The following ARHGEF37 variants were observed in gnomAD, a reference collection of about 807,000 sequenced individuals.
ARHGEF37 encodes Rho guanine nucleotide exchange factor 37, also known as Rho guanine nucleotide exchange factor (GEF) 37.
In ARHGEF37, 55 loss-of-function variants were observed where a neutral mutation model predicts 71.1. The observed-to-expected ratio is 0.77, with a 90% CI of 0.62 to 0.97. ARHGEF37 has a LOEUF of 0.97. ARHGEF37 is among the 50% of genes least tolerant of loss of function. The pLI, the probability that ARHGEF37 is intolerant of heterozygous loss-of-function variation, is 0.00. For synonymous variants in ARHGEF37, 327 were observed against 350.6 expected (o/e 0.93, Z 0.75); for missense variants, 765 against 836.8 (o/e 0.91, Z 1.06).
At position 149,609,601 on chromosome 5, in the gene ARHGEF37, T is replaced by C; in HGVS notation, c.364T>C (p.Cys122Arg). The C allele has an allele frequency of 6.2e-7, 1 of 1,613,994 alleles. No homozygotes were observed. The highest frequency in any genetic ancestry group is 1.7e-4 in the Middle Eastern group (1 of 5,864). Residue 122 changes from cysteine (C) to arginine (R), a missense_variant, in exon 4 of 13, where the codon TGT (cysteine) becomes CGT (arginine). By Grantham distance (180) the Cys-to-Arg change is radical. Around this residue, in one of 5 missense-constraint regions of ARHGEF37, gnomAD observed 201 missense variants for 217.5 expected, o/e 0.92. Transcript: ENST00000333677. Reference sequence around the variant, plus strand: ...GTTGGAGCAAGTCTATAAGGTCTACTGTGCCAGCTACGACCAGGCCTTGCT... The same window carrying C: ...GTTGGAGCAAGTCTATAAGGTCTACCGTGCCAGCTACGACCAGGCCTTGCT... ...EELEQVYKVY[C>R]ASYDQALLLV...
intron 1 of ARHGEF37, among the ~76,000 whole-genome samples, chr5:149,558,474 C>A (rs1356700697): frequency 6.6e-6 from 1 of 152,140 alleles, no homozygotes; most frequent in Non-Finnish European, 1.5e-5. Flanking sequence ...CCACTGCACT[C>A]CAGCCTGGGC....
At chr5:149,621,484 TTCA>T (rs1561807223) in intron 8 of ARHGEF37, among the ~76,000 whole-genome samples, 1 of 152,096 alleles carries the variant, frequency 6.6e-6, no homozygotes, top group African/African-American at 2.4e-5. Context: ...ATAATAATGA[TTCA>T]AAGTGCTATA....
At chr5:149,553,661 C>T (rs1365671954) in intron 1 of ARHGEF37, among the ~76,000 whole-genome samples, 1 of 152,140 alleles carries the variant, frequency 6.6e-6, no homozygotes, top group Non-Finnish European at 1.5e-5. Flanking sequence ...ATTAGTGATT[C>T]CCAAAGATCT....
intron 12 of ARHGEF37, among the ~76,000 whole-genome samples, chr5:149,629,419 T>G (rs533463306): frequency 5.9e-5 from 9 of 152,286 alleles, no homozygotes; most frequent in African/African-American, 1.7e-4. Flanking sequence ...ACCAGAGCCC[T>G]AGGTGTGGAG....
At chr5:149,631,498 A>G (rs1387950462) in intron 12 of ARHGEF37, among the ~76,000 whole-genome samples, 1 of 152,158 alleles carries the variant, frequency 6.6e-6, no homozygotes, top group Non-Finnish European at 1.5e-5. Flanking sequence ...GTAAAAAGTA[A>G]ACAAGTTGCC....
chr5:149,620,574 A>C, intron 8 of ARHGEF37, 110 bp downstream of exon 8: 1 of 783,604 alleles, frequency 1.3e-6, no homozygotes, highest in African/African-American at 1.8e-5. Context: ...TCACGCCTGT[A>C]ATCCCAGCAC....
intron 8 of ARHGEF37, among the ~76,000 whole-genome samples, chr5:149,620,855 C>T (rs908803124): frequency 1.4e-4 from 20 of 140,098 alleles, no homozygotes; most frequent in African/African-American, 5.2e-4. Flanking sequence ...GCACTTTACA[C>T]AATTGCCACA....
chr5:149,602,059 CT>C lies in ARHGEF37; in HGVS notation c.310+843del, dbSNP rs3073461. ...TTTGATTTATGTTTTTCTTTTCTTT[CT>C]TTTTTTTTTTTTTTGAGACGGAGTC... is the stretch of plus-strand genomic sequence containing the variant. On this transcript the variant is annotated intron_variant, in intron 3 of 12. Transcript: ENST00000333677. Among the ~76,000 whole-genome samples the C allele has an allele frequency of 1.4e-3, 197 of 143,228 alleles. 2 individuals carry two copies. The highest frequency in any genetic ancestry group is 4.5e-3 in the South Asian group (20 of 4,462). 94.0% of individuals were successfully genotyped at this position (143,228 alleles called of 152,430 possible). A position where few individuals can be genotyped will look rare whatever the true frequency, so the allele number is the denominator to read the frequency against.
At chr5:149,555,130 C>CAAAAAA (rs914879036) in intron 1 of ARHGEF37, among the ~76,000 whole-genome samples, 1 of 55,980 alleles carries the variant, frequency 1.8e-5, no homozygotes, top group African/African-American at 6.9e-5. Flanking sequence ...GACTCTGTCT[C>CAAAAAA]AAAAAAAAAA....
chr5:149,627,321 A>G (rs766449043), intron 11 of ARHGEF37, 50 bp downstream of exon 11: 2 of 1,573,496 alleles, frequency 1.3e-6, no homozygotes, highest in Non-Finnish European at 1.7e-6. Flanking sequence ...AAACCACCCC[A>G]CAGAAGCCGG....
Position 149,584,958 on chromosome 5 carries a change from T to C in ARHGEF37, c.-12+3334T>C, listed in dbSNP as rs369284840. On this transcript the variant is annotated intron_variant, in intron 1 of 12. Coordinates refer to ENST00000333677, the MANE Select transcript of ARHGEF37 (RefSeq NM_001001669.3). ...TTTCTATATTGTTTATTTAGTTATA[T>C]AATGAGCAAGAGCCTCTTTCATTAT... Among the ~76,000 whole-genome samples, 7 of 152,344 alleles carry C rather than the reference T, an allele frequency of 4.6e-5. No individual in the cohort carries two copies. The East Asian group carries it at 1.3e-3, about 29-fold the overall frequency.
At chr5:149,617,434 CAAGTT>C (rs1162062023) in intron 5 of ARHGEF37, among the ~76,000 whole-genome samples, 1 of 152,166 alleles carries the variant, frequency 6.6e-6, no homozygotes, top group African/African-American at 2.4e-5. Flanking sequence ...AACAGTGTCT[CAAGTT>C]AAGAGAAACT....
chr5:149,611,173 C>T (rs2113346515), intron 4 of ARHGEF37, among the ~76,000 whole-genome samples: 1 of 152,270 alleles, frequency 6.6e-6, no homozygotes, highest in Middle Eastern at 3.4e-3. Context: ...TGGGAACTGG[C>T]ACATTGTCAT....
chr5:149,589,624 C>T (rs1192233032), intron 1 of ARHGEF37, among the ~76,000 whole-genome samples: 12 of 152,224 alleles, frequency 7.9e-5, no homozygotes, highest in Admixed American at 7.2e-4. Context: ...TTCAGCCCCC[C>T]GAGTAGCTGG....
At chr5:149,557,020 T>C (rs1762764888) in intron 1 of ARHGEF37, among the ~76,000 whole-genome samples, 4 of 152,190 alleles carry the variant, frequency 2.6e-5, no homozygotes, top group African/African-American at 9.6e-5. Flanking sequence ...CTCTGCATTG[T>C]CCATGGGGTT....
At chr5:149,574,375 C>G (rs1763002732) in intron 1 of ARHGEF37, among the ~76,000 whole-genome samples, 1 of 152,208 alleles carries the variant, frequency 6.6e-6, no homozygotes, top group Admixed American at 6.5e-5. Context: ...TGGGACCAGA[C>G]TGAAACACAG....
At chr5:149,603,543 T>G (rs1763822454) in intron 3 of ARHGEF37, among the ~76,000 whole-genome samples, 1 of 152,202 alleles carries the variant, frequency 6.6e-6, no homozygotes, top group Non-Finnish European at 1.5e-5. Flanking sequence ...TGTGTGTTTA[T>G]CATTCCTCTG....
At chr5:149,567,531 T>C (rs1247010860) in intron 1 of ARHGEF37, among the ~76,000 whole-genome samples, 1 of 152,238 alleles carries the variant, frequency 6.6e-6, no homozygotes, top group Non-Finnish European at 1.5e-5. Context: ...CCACTCCTTC[T>C]ATATTTATTA....
rs1561794477 is a variant in ARHGEF37 at position 149,598,268 on chromosome 5, CT to C, written c.186+315del. On this transcript the variant is annotated intron_variant, in intron 2 of 12. Transcript: ENST00000333677. Reference sequence around the variant, plus strand: ...GAACAGATTGCTTAAACTGACTCTTCTTCTTCTTCTTCTTCTTCTTCTTCTT... The same window carrying C: ...GAACAGATTGCTTAAACTGACTCTTCTCTTCTTCTTCTTCTTCTTCTTCTT... Among the ~76,000 whole-genome samples, 712 of 119,408 alleles carry C rather than the reference CT, an allele frequency of 6.0e-3. 8 individuals are homozygous for C. The highest frequency in any genetic ancestry group is 0.014 in the African/African-American group (366 of 25,292). The allele number at this position is 119,408 out of a possible 152,430, so 78.3% of individuals were successfully genotyped here.
Sources: gnomAD v4.1 joint callset for allele counts (sites outside exome capture counted in the v4.1 genomes callset) on GRCh38, gnomAD v4.1.1 for gene constraint, gnomAD v4.1.1 regional missense constraint, MANE v1.5 for transcripts, NCBI Gene and HGNC (gene_info 2026-07-23, HGNC 2026-07-21) for gene names.